NSD2: variants seen among roughly 807,000 people sequenced by gnomAD.
NSD2 encodes nuclear receptor binding SET domain protein 2.
Under a neutral mutation model 139.0 loss-of-function variants are expected in NSD2, and 12 were observed. The observed-to-expected ratio is 0.09, with a 90% confidence interval of 0.06 to 0.14. The LOEUF (loss-of-function observed/expected upper bound fraction) is 0.14, where lower values mean the gene tolerates loss of function less well. NSD2 is among the 10% of genes least tolerant of loss of function. NSD2 has a pLI of 1.00. For missense variants in NSD2, 1,155 were observed against 1,745.0 expected, an observed-to-expected ratio of 0.66 and a Z score of 6.02; for synonymous variants, 669 against 648.7, an observed-to-expected ratio of 1.03 and a Z score of -0.48.
At chr4:1,906,599 G>A (rs1717931609) in intron 3 of NSD2, among the ~76,000 whole-genome samples, 1 of 149,564 alleles carries the variant, frequency 6.7e-6, no homozygotes, top group South Asian at 2.1e-4. Context: ...CCTGTAGTCT[G>A]CAACAGCTTC....
At chr4:1,907,554 G>A (rs1252229230) in intron 3 of NSD2, among the ~76,000 whole-genome samples, 1 of 148,280 alleles carries the variant, frequency 6.7e-6, no homozygotes, top group African/African-American at 2.6e-5. Flanking sequence ...CAGCACAGCA[G>A]ACACCTATCC....
At chr4:1,923,549 G>C (rs1439560036) in intron 5 of NSD2, among the ~76,000 whole-genome samples, 32 of 152,190 alleles carry the variant, frequency 2.1e-4, no homozygotes, top group Admixed American at 2.1e-3. Flanking sequence ...CAGGTGAGCA[G>C]ACATCAAACT....
intron 1 of NSD2, among the ~76,000 whole-genome samples, chr4:1,873,409 A>C (rs1031162429): frequency 6.6e-5 from 10 of 152,244 alleles, no homozygotes; most frequent in Non-Finnish European, 1.3e-4. Flanking sequence ...TTTTGGAGCC[A>C]TGCACAACAA....
intron 3 of NSD2, 113 bp downstream of exon 3, chr4:1,904,491 A>C: frequency 8.4e-7 from 1 of 1,186,626 alleles, no homozygotes; most frequent in Non-Finnish European, 1.2e-6. Context: ...TCATTTTTGC[A>C]GCTTTACCTA....
At chr4:1,924,301 G>A (rs528263880) in intron 5 of NSD2, among the ~76,000 whole-genome samples, 2 of 152,208 alleles carry the variant, frequency 1.3e-5, no homozygotes, top group South Asian at 4.1e-4. Context: ...AGCTAGGCCT[G>A]CGCAGGGTTG....
intron 2 of NSD2, among the ~76,000 whole-genome samples, chr4:1,902,699 C>T (rs1717346529): frequency 3.3e-5 from 5 of 152,162 alleles, no homozygotes; most frequent in Admixed American, 3.3e-4. Context: ...TCAGAGCTGG[C>T]TTTTTCTTTC....
chr4:1,915,194 C>G (rs548536486), intron 3 of NSD2, among the ~76,000 whole-genome samples: 2 of 145,268 alleles, frequency 1.4e-5, no homozygotes, highest in African/African-American at 5.2e-5. Context: ...CGGCTCACTG[C>G]AAGCTCCGCC....
Position 1,956,120 on chromosome 4 carries a change from C to T in NSD2, c.2813C>T (p.Pro938Leu), listed in dbSNP as rs200311175. ...TGGACGCATCAGGCGCGAGTGTTCC[C>T]GTACATGGAGGGGGACCGGGGCAGC... The part of the protein sequence containing the change: ...YYWTHQARVF[P>L]YMEGDRGSRY... The change falls in exon 15 of 22, where the codon CCG becomes CTG. Residue 938 changes from proline (P) to leucine (L), a missense_variant. Transcript: ENST00000508803. The surrounding 1 kb of genome is among the most constrained non-coding windows in gnomAD (Gnocchi z 5.3). 5.6e-6 allele frequency: 9 copies of T among 1,613,854 alleles called. No homozygotes were observed. The highest frequency in any genetic ancestry group is 5.9e-6 in the Non-Finnish European group (7 of 1,180,018).
intron 1 of NSD2, among the ~76,000 whole-genome samples, chr4:1,881,564 G>C (rs1328002311): frequency 1.3e-5 from 2 of 152,004 alleles, no homozygotes; most frequent in African/African-American, 4.8e-5. Context: ...TGCCTGGCTT[G>C]TTTTTGTTTT....
At chr4:1,964,631 C>CGCT (rs961893306) in intron 18 of NSD2, among the ~76,000 whole-genome samples, 8 of 151,846 alleles carry the variant, frequency 5.3e-5, no homozygotes, top group East Asian at 4.0e-4. Flanking sequence ...AGGTGCGCTG[C>CGCT]GCTGCCGTTG....
intron 1 of NSD2, among the ~76,000 whole-genome samples, chr4:1,886,567 C>CA (rs1715128015): frequency 6.6e-6 from 1 of 152,120 alleles, no homozygotes; most frequent in Non-Finnish European, 1.5e-5. Flanking sequence ...CGCGGTGACT[C>CA]ACGCCTGTAA....
At chr4:1,945,326 C>A in intron 9 of NSD2, 2 of 1,065,734 alleles carry the variant, frequency 1.9e-6, no homozygotes, top group Non-Finnish European at 2.3e-6. Context: ...TGTGTGAGAG[C>A]CATGCTGTCA....
At chr4:1,945,849 A>G in intron 9 of NSD2, 1 of 1,062,372 alleles carries the variant, frequency 9.4e-7, no homozygotes, top group African/African-American at 1.6e-5. Context: ...GCGGTAGATG[A>G]AAAATAAGGT....
Position 1,914,213 on chromosome 4 carries a change from G to C in NSD2, c.761-2658G>C, listed in dbSNP as rs926176449. Among the ~76,000 whole-genome samples, 25 of 152,160 alleles carry C rather than the reference G, an allele frequency of 1.6e-4. No homozygotes were observed. The East Asian group carries it at 4.8e-3, about 29-fold the overall frequency. ...CATTTTTGTATTTTTAGTAGAGATG[G>C]GGTTTTGCTATGTCGGCCAGGCTGG... On this transcript the variant is annotated intron_variant, in intron 3 of 21. Coordinates refer to ENST00000508803, the MANE Select transcript of NSD2 (RefSeq NM_001042424.3).
intron 20 of NSD2, chr4:1,975,631 G>A (rs896994859): frequency 5.4e-5 from 28 of 513,778 alleles, no homozygotes; most frequent in Admixed American, 2.7e-4. Flanking sequence ...CCTCACAGAC[G>A]CGTGGTTTCG....
chr4:1,894,674 TA>T (rs61535099), intron 1 of NSD2, among the ~76,000 whole-genome samples: 7,292 of 103,830 alleles, frequency 0.07, 528 homozygotes, highest in African/African-American at 0.22. Flanking sequence ...CCTGTCTCAA[TA>T]AAAAAAAAAA....
rs768306892 is a variant in NSD2, at chr4:1,952,244, G to A, written c.2137+13G>A. 15 of 1,612,692 alleles carry A rather than the reference G, an allele frequency of 9.3e-6. No individual in the cohort carries two copies. Among genetic ancestry groups the A allele is most frequent in the South Asian group, 3.3e-5 (3 of 91,002 alleles). Reference sequence around the variant, plus strand: ...GAGTGTGCCTCAGGCAAGTTCCCACGGGCGGGCAGCTCTGCAGCCTGGCCG... The same window carrying A: ...GAGTGTGCCTCAGGCAAGTTCCCACAGGCGGGCAGCTCTGCAGCCTGGCCG... On this transcript the variant is annotated intron_variant, in intron 11 of 21. Coordinates refer to ENST00000508803, the MANE Select transcript of NSD2 (RefSeq NM_001042424.3).
At chr4:1,968,827 C>T (rs963953690) in intron 18 of NSD2, among the ~76,000 whole-genome samples, 10 of 152,106 alleles carry the variant, frequency 6.6e-5, no homozygotes, top group Non-Finnish European at 1.0e-4. Context: ...ATTAGATGCA[C>T]GTCCGACAGT....
chr4:1,933,212 C>A (rs1721883754), intron 6 of NSD2, among the ~76,000 whole-genome samples: 1 of 152,232 alleles, frequency 6.6e-6, no homozygotes, highest in Admixed American at 6.5e-5. Flanking sequence ...AGGCCTAGAC[C>A]TGAGGTGAGG....
Sources: allele counts gnomAD v4.1 joint callset (sites outside exome capture counted in the v4.1 genomes callset), GRCh38; gene constraint gnomAD v4.1.1; non-coding constraint Gnocchi (gnomAD v3.1); transcripts MANE v1.5; gene names NCBI Gene and HGNC (gene_info 2026-07-23, HGNC 2026-07-21).